PTPRT: variants seen among roughly 807,000 people sequenced by gnomAD.
The protein encoded by PTPRT is receptor-type tyrosine-protein phosphatase T.
In PTPRT, 56 loss-of-function variants were observed where a neutral mutation model predicts 176.8. That is an observed-to-expected ratio of 0.32 (90% CI 0.26 to 0.40). The LOEUF is 0.40. Among genes scored for constraint, PTPRT ranks in the 10% least tolerant of loss-of-function variants. The pLI is 1.00. For synonymous variants in PTPRT, 783 were observed against 739.0 expected (o/e 1.06, Z -0.96); for missense variants, 1,540 against 1,908.2 (o/e 0.81, Z 3.60).
chr20:42,344,465 T>A (rs1487829531), intron 11 of PTPRT, among the ~76,000 whole-genome samples: 2 of 152,034 alleles, frequency 1.3e-5, no homozygotes, highest in Non-Finnish European at 2.9e-5. Context: ...AGTGAGGAGC[T>A]CCGTATGGGA....
intron 7 of PTPRT, among the ~76,000 whole-genome samples, chr20:42,621,286 A>G (rs2074191510): frequency 6.6e-6 from 1 of 151,936 alleles, no homozygotes; most frequent in Admixed American, 6.6e-5. Flanking sequence ...CAACCTCCCC[A>G]TCTCCACTGG....
At chr20:42,563,129 A>C (rs2072980222) in intron 7 of PTPRT, among the ~76,000 whole-genome samples, 1 of 152,176 alleles carries the variant, frequency 6.6e-6, no homozygotes, top group African/African-American at 2.4e-5. Flanking sequence ...AAATTTATTT[A>C]GTTTATTCTT....
intron 8 of PTPRT, among the ~76,000 whole-genome samples, chr20:42,468,528 T>A (rs1037768508): frequency 6.6e-6 from 1 of 152,220 alleles, no homozygotes; most frequent in African/African-American, 2.4e-5. Context: ...TGTCCACACA[T>A]CTCCATAGAG....
At chr20:42,687,585 T>C (rs1486966095) in intron 6 of PTPRT, 1 of 152,158 alleles carries the variant, frequency 6.6e-6, no homozygotes, top group African/African-American at 2.4e-5. Context: ...ATCAAGAGTC[T>C]GTCACCTCCA....
At chr20:42,102,062 C>T in intron 26 of PTPRT, 62 bp downstream of exon 26, 1 of 1,574,422 alleles carries the variant, frequency 6.4e-7, no homozygotes, top group African/African-American at 1.3e-5. Flanking sequence ...GCCACCTCCA[C>T]CTCAGGAAGA....
Position 42,648,888 on chromosome 20 carries a change from A to G in PTPRT, c.1153+28978T>C, listed in dbSNP as rs543287302. ...GGCTGGAGTGCAGTGGTGTAATCTCAGCTCACTGCAAGCTCTGCCTCCCGG... is the reference window on the plus strand; with the variant it reads ...GGCTGGAGTGCAGTGGTGTAATCTCGGCTCACTGCAAGCTCTGCCTCCCGG... On this transcript the variant is annotated intron_variant, in intron 7 of 30. Transcript: ENST00000373187. Among the ~76,000 whole-genome samples, 20 of 139,194 alleles carry G rather than the reference A, an allele frequency of 1.4e-4. No individual in the cohort carries two copies. In the South Asian group the frequency reaches 4.4e-3, roughly 30 times the overall value. 91.3% of individuals were successfully genotyped at this position (139,194 alleles called of 152,430 possible).
intron 1 of PTPRT, among the ~76,000 whole-genome samples, chr20:43,112,950 T>G (rs1026956269): frequency 6.6e-6 from 1 of 152,138 alleles, no homozygotes. Context: ...CTCCTGGGGT[T>G]TTGCATGTAA....
intron 9 of PTPRT, among the ~76,000 whole-genome samples, chr20:42,378,038 T>C (rs1293044315): frequency 6.6e-6 from 1 of 152,192 alleles, no homozygotes; most frequent in Non-Finnish European, 1.5e-5. Flanking sequence ...TGGGGCAGAA[T>C]AGAAGGCTTA....
In PTPRT at chr20:42,423,178, T is replaced by TAAAA. The variant is rs34775268; in HGVS notation, c.1560+25038_1560+25041dup. On this transcript the variant is annotated intron_variant, in intron 9 of 30. Transcript: ENST00000373187. ...TCACTTGTACCCCTGACCTTAAAAGTAAAAAAAAAAAAAAAAAAAAAAAGG... is the reference window on the plus strand; with the variant it reads ...TCACTTGTACCCCTGACCTTAAAAGTAAAAAAAAAAAAAAAAAAAAAAAAAAAGG... Among the ~76,000 whole-genome samples, 416 of 88,070 alleles carry TAAAA rather than the reference T, an allele frequency of 4.7e-3. 9 individuals carry two copies. Among genetic ancestry groups the TAAAA allele is most frequent in the Non-Finnish European group, 6.7e-3 (319 of 47,966 alleles). 57.8% of individuals were successfully genotyped at this position (88,070 alleles called of 152,430 possible).
intron 1 of PTPRT, among the ~76,000 whole-genome samples, chr20:43,070,986 AAG>A (rs1491041445): frequency 6.6e-6 from 1 of 150,782 alleles, no homozygotes; most frequent in Non-Finnish European, 1.5e-5. Flanking sequence ...AAAAAAAAAA[AAG>A]AACTGCCCTC....
intron 6 of PTPRT, among the ~76,000 whole-genome samples, chr20:42,749,598 A>G (rs1343262348): frequency 1.3e-5 from 2 of 152,204 alleles, no homozygotes. Context: ...TCTCACTGGT[A>G]AAAGGTGGTT....
At chr20:42,979,754 A>G (rs1204589970) in intron 1 of PTPRT, among the ~76,000 whole-genome samples, 1 of 152,032 alleles carries the variant, frequency 6.6e-6, no homozygotes, top group East Asian at 1.9e-4. Flanking sequence ...GGAACCCTAA[A>G]GCTGTGATTC....
intron 1 of PTPRT, among the ~76,000 whole-genome samples, chr20:43,033,890 C>T (rs1051367223): frequency 6.6e-6 from 1 of 152,160 alleles, no homozygotes. Flanking sequence ...CATCCAACCC[C>T]GGCCCTAGAG....
chr20:42,538,584 A>G (rs150021289), intron 7 of PTPRT, among the ~76,000 whole-genome samples: 2 of 152,318 alleles, frequency 1.3e-5, no homozygotes, highest in Non-Finnish European at 1.5e-5. Context: ...AATATTACAC[A>G]TCAAGTCACA....
chr20:42,190,899 T>G (rs1297188078), intron 16 of PTPRT, among the ~76,000 whole-genome samples: 2 of 152,158 alleles, frequency 1.3e-5, no homozygotes, highest in East Asian at 3.9e-4. Context: ...GCTCTGCCAT[T>G]TAAAGCTACA....
At chr20:43,074,002 C>A (rs142408441) in intron 1 of PTPRT, among the ~76,000 whole-genome samples, 3 of 152,138 alleles carry the variant, frequency 2.0e-5, no homozygotes, top group Non-Finnish European at 4.4e-5. Flanking sequence ...GATCCTCTCA[C>A]ATCAATCTCC....
intron 15 of PTPRT, among the ~76,000 whole-genome samples, chr20:42,234,040 G>A (rs1264980110): frequency 6.6e-6 from 1 of 152,140 alleles, no homozygotes; most frequent in Non-Finnish European, 1.5e-5. Flanking sequence ...CTGATAGAGG[G>A]ATGGGGGTTA....
chr20:42,621,831 C>T (rs1402543980), intron 7 of PTPRT, among the ~76,000 whole-genome samples: 1 of 152,122 alleles, frequency 6.6e-6, no homozygotes. Flanking sequence ...TCTAATATTA[C>T]ATCTCCCATG....
intron 7 of PTPRT, among the ~76,000 whole-genome samples, chr20:42,652,703 G>A (rs1358259642): frequency 3.9e-5 from 6 of 152,078 alleles, no homozygotes; most frequent in Non-Finnish European, 5.9e-5. Context: ...AGGGCCTGAT[G>A]GTTGCCAAGG....
Sources: allele counts gnomAD v4.1 joint callset (sites outside exome capture counted in the v4.1 genomes callset), GRCh38; gene constraint gnomAD v4.1.1; transcripts MANE v1.5; gene names NCBI Gene and HGNC (gene_info 2026-07-23, HGNC 2026-07-21).